TBC1D23: variants seen among roughly 807,000 people sequenced by gnomAD.
The protein encoded by TBC1D23 is HCV non-structural protein 4A-transactivated protein 1.
Under a neutral mutation model 91.4 loss-of-function variants are expected in TBC1D23, and 55 were observed. The ratio of observed to expected loss-of-function variants is 0.60; its 90% confidence interval spans 0.48 to 0.75. The LOEUF is 0.75. Ranked by LOEUF, TBC1D23 falls within the 30% of genes least tolerant of loss-of-function variation. The probability of loss-of-function intolerance (pLI) is 0.00; values close to 1 mark genes in which losing one functional copy is unlikely to be tolerated. For missense variants in TBC1D23, 725 were observed against 836.1 expected, an observed-to-expected ratio of 0.87 and a Z score of 1.64; for synonymous variants, 289 against 281.0, an observed-to-expected ratio of 1.03 and a Z score of -0.28.
chr3:100,297,772 A>G (rs1263601970), intron 8 of TBC1D23, 151 bp from the exon 9 acceptor site: 15 of 549,360 alleles, frequency 2.7e-5, no homozygotes, highest in Non-Finnish European at 3.9e-5. Context: ...TTCTTAGCCT[A>G]TAAAATTTGA....
chr3:100,291,515 G>A (rs1272867917), intron 5 of TBC1D23, among the ~76,000 whole-genome samples: 2 of 151,458 alleles, frequency 1.3e-5, no homozygotes, highest in African/African-American at 4.9e-5. Context: ...CCTGGGAGGC[G>A]GAGGTTGCAG....
chr3:100,292,723 C>T (rs542883524), intron 5 of TBC1D23, among the ~76,000 whole-genome samples: 31 of 152,280 alleles, frequency 2.0e-4, no homozygotes, highest in Middle Eastern at 3.4e-3. Flanking sequence ...CCTCAGCCTC[C>T]TGAGTAGCTG....
intron 18 of TBC1D23, among the ~76,000 whole-genome samples, chr3:100,322,108 A>AT (rs34090679): frequency 6.6e-6 from 1 of 151,438 alleles, no homozygotes; most frequent in African/African-American, 2.4e-5. Context: ...TAATTAATTA[A>AT]TTTTTTTGAG....
At chr3:100,264,223 C>T (rs1329480833) in intron 1 of TBC1D23, among the ~76,000 whole-genome samples, 1 of 152,184 alleles carries the variant, frequency 6.6e-6, no homozygotes. Context: ...AGGCTGGCCT[C>T]ATACTCCTGA....
intron 12 of TBC1D23, among the ~76,000 whole-genome samples, chr3:100,305,387 G>A (rs1705498823): frequency 6.6e-6 from 1 of 152,048 alleles, no homozygotes; most frequent in Admixed American, 6.6e-5. Context: ...AAAATAATTG[G>A]CAGGATCTCT....
intron 1 of TBC1D23, among the ~76,000 whole-genome samples, chr3:100,274,896 C>A (rs954391342): frequency 5.2e-4 from 66 of 127,600 alleles, no homozygotes; most frequent in South Asian, 1.3e-3. Context: ...CAGTACACAC[C>A]CCCCCCCTTT....
intron 18 of TBC1D23, among the ~76,000 whole-genome samples, chr3:100,321,910 AAT>A (rs142665202): frequency 0.26 from 38,872 of 151,184 alleles, 5,388 homozygotes; most frequent in Non-Finnish European, 0.31. Flanking sequence ...TAATATAAAG[AAT>A]ATGTCATTCT....
chr3:100,295,694 G>A (rs934770444), intron 7 of TBC1D23, among the ~76,000 whole-genome samples: 3 of 151,740 alleles, frequency 2.0e-5, no homozygotes, highest in Non-Finnish European at 4.4e-5. Flanking sequence ...TGAAACCTTG[G>A]TTCTCCTTTT....
chr3:100,292,205 G>T (rs1038728863), intron 5 of TBC1D23, among the ~76,000 whole-genome samples: 2 of 152,176 alleles, frequency 1.3e-5, no homozygotes, highest in Non-Finnish European at 2.9e-5. Context: ...CAGATCCTTT[G>T]TAAAGAATCC....
At chr3:100,312,579 T>G (rs1053234781) in intron 15 of TBC1D23, among the ~76,000 whole-genome samples, 1 of 152,152 alleles carries the variant, frequency 6.6e-6, no homozygotes, top group South Asian at 2.1e-4. Flanking sequence ...TCAATTAGGG[T>G]AACAAAAGAA....
At chr3:100,262,731 A>AAAC (rs1319027765) in intron 1 of TBC1D23, among the ~76,000 whole-genome samples, 1 of 151,220 alleles carries the variant, frequency 6.6e-6, no homozygotes, top group African/African-American at 2.4e-5. Context: ...CTCAAAAAAA[A>AAAC]AAAAAAAAAA....
intron 12 of TBC1D23, among the ~76,000 whole-genome samples, chr3:100,305,169 A>G (rs1206994528): frequency 6.6e-6 from 1 of 152,206 alleles, no homozygotes; most frequent in Non-Finnish European, 1.5e-5. Flanking sequence ...GATTGCCTCT[A>G]TGGAGAAGAA....
intron 2 of TBC1D23, among the ~76,000 whole-genome samples, chr3:100,281,436 C>T (rs2067693662): frequency 6.6e-6 from 1 of 151,820 alleles, no homozygotes; most frequent in East Asian, 1.9e-4. Flanking sequence ...TTTTCTTTGC[C>T]AGTACATTCT....
At chr3:100,295,952 A>G (rs935184618) in intron 7 of TBC1D23, among the ~76,000 whole-genome samples, 3 of 152,204 alleles carry the variant, frequency 2.0e-5, no homozygotes, top group Admixed American at 6.5e-5. Flanking sequence ...AGGTTAATGA[A>G]TTTGATTTGA....
At chr3:100,317,493 G>A (rs912342713) in intron 16 of TBC1D23, among the ~76,000 whole-genome samples, 1 of 152,146 alleles carries the variant, frequency 6.6e-6, no homozygotes, top group Non-Finnish European at 1.5e-5. Context: ...TCTGATGACA[G>A]TATATTCAGA....
rs116405710 is a variant in TBC1D23, at chr3:100,289,262, A to G, written c.477-1316A>G. 5.1e-3 allele frequency among the ~76,000 whole-genome samples: 779 copies of G among 152,224 alleles called. 11 individuals are homozygous for G. The highest frequency in any genetic ancestry group is 0.017 in the African/African-American group (713 of 41,552). Reference sequence around the variant, plus strand: ...CCAAAAAACATGTAATTATCTCCCTATATCCAGTAAGATCCACTACCAAAT... The same window carrying G: ...CCAAAAAACATGTAATTATCTCCCTGTATCCAGTAAGATCCACTACCAAAT... On this transcript the variant is annotated intron_variant, in intron 4 of 18. Coordinates refer to ENST00000394144, the MANE Select transcript of TBC1D23 (RefSeq NM_001199198.3).
chr3:100,292,025 A>G (rs2067795964), intron 5 of TBC1D23, among the ~76,000 whole-genome samples: 2 of 152,144 alleles, frequency 1.3e-5, no homozygotes, highest in Non-Finnish European at 2.9e-5. Flanking sequence ...TCAGCCTCCC[A>G]AAGTGCTGGG....
At position 100,283,710 on chromosome 3, in the gene TBC1D23, C is replaced by A. The variant is rs768226155; in HGVS notation, c.375C>A (p.Ser125=). 2.5e-6 allele frequency: 4 copies of A among 1,611,976 alleles called. No homozygotes were observed. The African/African-American group carries it at 5.3e-5, about 22-fold the overall frequency. The change falls in exon 4 of 19, where the codon TCC becomes TCA. Residue 125 remains serine, a synonymous_variant. Coordinates refer to ENST00000394144, the MANE Select transcript of TBC1D23 (RefSeq NM_001199198.3). ...CKSRNIKYST[S]LSWIHLLKPL... Reference sequence around the variant, plus strand: ...CACGTAACATTAAATATAGCACATCCCTTAGCTGGATACATCTACTGAAAC... The same window carrying A: ...CACGTAACATTAAATATAGCACATCACTTAGCTGGATACATCTACTGAAAC...
chr3:100,278,505 C>T (rs2148853309), intron 1 of TBC1D23, among the ~76,000 whole-genome samples: 2 of 152,142 alleles, frequency 1.3e-5, no homozygotes, highest in Middle Eastern at 6.8e-3. Flanking sequence ...CTGCCTTAGC[C>T]TGCCAAGTAG....
Sources: allele counts gnomAD v4.1 joint callset (sites outside exome capture counted in the v4.1 genomes callset), GRCh38; gene constraint gnomAD v4.1.1; transcripts MANE v1.5; gene names NCBI Gene and HGNC (gene_info 2026-07-23, HGNC 2026-07-21).